KCNQ1: variants seen among roughly 807,000 people sequenced by gnomAD.
The protein encoded by KCNQ1 is potassium voltage-gated channel subfamily KQT member 1.
A neutral mutation model predicts 72.4 loss-of-function variants in KCNQ1; 49 were observed. The observed-to-expected ratio is 0.68, with a 90% CI of 0.54 to 0.86. The LOEUF (loss-of-function observed/expected upper bound fraction) is 0.86, where lower values mean the gene tolerates loss of function less well. KCNQ1 is among the 40% of genes least tolerant of loss of function. The pLI, the probability that KCNQ1 is intolerant of heterozygous loss-of-function variation, is 0.00. For synonymous variants in KCNQ1, 450 were observed against 412.6 expected (o/e 1.09, Z -1.10); for missense variants, 790 against 945.1 (o/e 0.84, Z 2.15).
intron 11 of KCNQ1, among the ~76,000 whole-genome samples, chr11:2,714,952 CA>C (rs1367257270): frequency 3.3e-5 from 5 of 150,540 alleles, no homozygotes; most frequent in Admixed American, 6.6e-5. Context: ...GGCACAAAGC[CA>C]GGGGGGAGCC....
chr11:2,847,979 G>A lies in KCNQ1; in HGVS notation c.2007G>A (p.Arg669=). 6.4e-7 allele frequency: 1 copy of A among 1,551,954 alleles called. No individual in the cohort carries two copies. The highest frequency in any genetic ancestry group is 8.7e-7 in the Non-Finnish European group (1 of 1,146,428). The change falls in exon 16 of 16, where the codon AGG becomes AGA. Residue 669 remains arginine (R), a synonymous_variant. Transcript: ENST00000155840. The part of the protein sequence containing the change: ...LPTYEQLTVP[R]RGPDEGS ...CCTACGAGCAGCTGACCGTGCCCAG[G>A]AGGGGCCCCGATGAGGGGTCCTGAG...
rs192078183 is a variant in KCNQ1 at position 2,455,349 on chromosome 11, T to C, written c.386+9865T>C. Among the ~76,000 whole-genome samples the C allele has an allele frequency of 1.3e-3, 191 of 152,318 alleles. 2 individuals carry two copies. The highest frequency in any genetic ancestry group is 2.3e-3 in the East Asian group (12 of 5,184). On this transcript the variant is annotated intron_variant, in intron 1 of 15. Transcript: ENST00000155840. Reference sequence around the variant, plus strand: ...TCCTGACCTTGTGATCCACCCGCCTTGGCCTCCCAAAGTGCTGGGATTCAG... The same window carrying C: ...TCCTGACCTTGTGATCCACCCGCCTCGGCCTCCCAAAGTGCTGGGATTCAG...
intron 1 of KCNQ1, among the ~76,000 whole-genome samples, chr11:2,518,401 G>A (rs986125769): frequency 3.9e-5 from 6 of 152,210 alleles, no homozygotes; most frequent in African/African-American, 1.4e-4. Flanking sequence ...GGGGACCAGG[G>A]GAGTGGGCTG....
At position 2,620,675 on chromosome 11, in the gene KCNQ1, G is replaced by A; in HGVS notation, c.1393+31821G>A. 1 of 398,466 alleles carries A rather than the reference G, an allele frequency of 2.5e-6. No individual in the cohort carries two copies. Among genetic ancestry groups the A allele is most frequent in the East Asian group, 3.6e-5 (1 of 28,074 alleles). 24.7% of individuals were successfully genotyped at this position (398,466 alleles called of 1,614,324 possible). A position where few individuals can be genotyped will look rare whatever the true frequency, so the allele number is the denominator to read the frequency against. On this transcript the variant is annotated intron_variant, in intron 10 of 15. Coordinates refer to ENST00000155840, the MANE Select transcript of KCNQ1 (RefSeq NM_000218.3). This position sits in a 1 kb window ranked among gnomAD's most constrained non-coding sequence, Gnocchi z 4.5. ...TACAAATGCATGTGTCTTTTTGATA[G>A]AACAATTTATTTTCCTTTGAATATA...
At chr11:2,630,635 A>G (rs889009869) in intron 10 of KCNQ1, 1 of 398,138 alleles carries the variant, frequency 2.5e-6, no homozygotes, top group Non-Finnish European at 4.4e-6. Flanking sequence ...TTACACTATT[A>G]GAGTATTCTT....
chr11:2,541,716 T>TC lies in KCNQ1; in HGVS notation c.477+13698_477+13699insC, dbSNP rs1182602146. On this transcript the variant is annotated intron_variant, in intron 2 of 15. Coordinates refer to ENST00000155840, the MANE Select transcript of KCNQ1 (RefSeq NM_000218.3). The surrounding 1 kb of genome is among the most constrained non-coding windows in gnomAD (Gnocchi z 4.8). ...TCAGGTGTTTTGAGTTTTTTTTTTT[T>TC]TTTAAATGAGGACATCTGTTAGACC... Among the ~76,000 whole-genome samples the TC allele has an allele frequency of 2.0e-5, 3 of 151,772 alleles. No homozygotes were observed. Among genetic ancestry groups the TC allele is most frequent in the African/African-American group, 7.3e-5 (3 of 41,254 alleles).
At position 2,848,711 on chromosome 11, in the gene KCNQ1, C is replaced by T. The variant is rs1848394897; in HGVS notation, c.*708C>T. On this transcript the variant is annotated 3_prime_UTR_variant, in exon 16 of 16. Coordinates refer to ENST00000155840, the MANE Select transcript of KCNQ1 (RefSeq NM_000218.3). Reference sequence around the variant, plus strand: ...TCCTAGCTGGAGAGGAGCCCTGCCTCTCCGCCCCTGAGCCCACTGTGCGTG... The same window carrying T: ...TCCTAGCTGGAGAGGAGCCCTGCCTTTCCGCCCCTGAGCCCACTGTGCGTG... 4.4e-6 allele frequency: 2 copies of T among 451,800 alleles called. No homozygotes were observed. The highest frequency in any genetic ancestry group is 8.9e-6 in the Non-Finnish European group (2 of 224,988). 28.0% of individuals were successfully genotyped at this position (451,800 alleles called of 1,614,324 possible). A position where few individuals can be genotyped will look rare whatever the true frequency, so the allele number is the denominator to read the frequency against.
In KCNQ1 at chr11:2,809,444, C is replaced by T. The variant is rs909359212; in HGVS notation, c.1794+31407C>T. Among the ~76,000 whole-genome samples the T allele has an allele frequency of 4.6e-5, 7 of 152,142 alleles. No individual in the cohort carries two copies. Among genetic ancestry groups the T allele is most frequent in the African/African-American group, 9.7e-5 (4 of 41,434 alleles). ...GTGTTCATTTATGGGTTGTTGTTAC[C>T]GTGGCATTGGTCCAGGTTTGTGATA... On this transcript the variant is annotated intron_variant, in intron 15 of 15. Transcript: ENST00000155840. The surrounding 1 kb of genome is among the most constrained non-coding windows in gnomAD (Gnocchi z 7.1).
At chr11:2,609,320 T>C in intron 10 of KCNQ1, 1 of 398,406 alleles carries the variant, frequency 2.5e-6, no homozygotes, top group East Asian at 3.6e-5. Flanking sequence ...TTTCCACATG[T>C]GTATGTTTCC....
chr11:2,728,993 G>C lies in KCNQ1; in HGVS notation c.1515-39851G>C, dbSNP rs535941187. On this transcript the variant is annotated intron_variant, in intron 11 of 15. Transcript: ENST00000155840. ...TTGATTGGTTCTGGGAGCCACTGCA[G>C]ACACAGGGGCTGTTGTGCATGCAGG... Among the ~76,000 whole-genome samples, 380 of 152,348 alleles carry C rather than the reference G, an allele frequency of 2.5e-3. 1 individual carries two copies. The highest frequency in any genetic ancestry group is 4.2e-3 in the Non-Finnish European group (284 of 68,032).
At chr11:2,529,725 T>A (rs1847581357) in intron 2 of KCNQ1, among the ~76,000 whole-genome samples, 1 of 152,196 alleles carries the variant, frequency 6.6e-6, no homozygotes, top group African/African-American at 2.4e-5. Context: ...ATCTTTTGCG[T>A]TTCCAGATAA....
At chr11:2,770,281 AG>A (rs1370297318) in intron 12 of KCNQ1, among the ~76,000 whole-genome samples, 1 of 152,176 alleles carries the variant, frequency 6.6e-6, no homozygotes, top group African/African-American at 2.4e-5. Context: ...ACCCTGGCAC[AG>A]GCAGCCCTGG....
Position 2,462,009 on chromosome 11 carries a change from T to C in KCNQ1, c.386+16525T>C. 2.9e-6 allele frequency: 1 copy of C among 346,544 alleles called. No homozygotes were observed. Among genetic ancestry groups the C allele is most frequent in the South Asian group, 2.2e-5 (1 of 45,350 alleles). The allele number at this position is 346,544 out of a possible 1,614,324, so 21.5% of individuals were successfully genotyped here. ...GTGGACTCAGCCAGCCTAGTCCCAA[T>C]ACAGCTGGGATGCATTGCTGCTCCT... On this transcript the variant is annotated intron_variant, in intron 1 of 15. Transcript: ENST00000155840. This position sits in a 1 kb window ranked among gnomAD's most constrained non-coding sequence, Gnocchi z 8.2.
In KCNQ1 at chr11:2,495,375, C is replaced by A. The variant is rs954697794; in HGVS notation, c.387-32553C>A. Among the ~76,000 whole-genome samples, 1 of 152,060 alleles carries A rather than the reference C, an allele frequency of 6.6e-6. No individual in the cohort carries two copies. Among genetic ancestry groups the A allele is most frequent in the Non-Finnish European group, 1.5e-5 (1 of 68,018 alleles). On this transcript the variant is annotated intron_variant, in intron 1 of 15. Transcript: ENST00000155840. The surrounding 1 kb of genome is among the most constrained non-coding windows in gnomAD (Gnocchi z 4.6). Reference sequence around the variant, plus strand: ...GATCTTAGTTATTTCTTGTCTTCTGCTAGCTTTTGAATTTGTTTGCTCTTG... The same window carrying A: ...GATCTTAGTTATTTCTTGTCTTCTGATAGCTTTTGAATTTGTTTGCTCTTG...
In KCNQ1 at chr11:2,605,338, T is replaced by C. The variant is rs576971132; in HGVS notation, c.1393+16484T>C. On this transcript the variant is annotated intron_variant, in intron 10 of 15. Coordinates refer to ENST00000155840, the MANE Select transcript of KCNQ1 (RefSeq NM_000218.3). The stretch of plus-strand genomic sequence containing the variant: ...TTTTTTTCTTTTGTTCCTTGTTCTT[T>C]GGTGTTATATCTAAGAAACCTCTGC... Among the ~76,000 whole-genome samples the C allele has an allele frequency of 2.0e-5, 3 of 152,324 alleles. No individual in the cohort carries two copies. In the South Asian group the frequency reaches 6.2e-4, roughly 32 times the overall value.
At chr11:2,581,505 C>T (rs1007695277) in intron 6 of KCNQ1, among the ~76,000 whole-genome samples, 7 of 152,214 alleles carry the variant, frequency 4.6e-5, no homozygotes, top group African/African-American at 7.2e-5. Context: ...TCCCCCAGGG[C>T]CCCCCTCTCT....
chr11:2,835,394 GACTCACACACACACACACAC>G lies in KCNQ1; in HGVS notation c.1795-12370_1795-12351del, dbSNP rs1373422715. Among the ~76,000 whole-genome samples, 306 of 124,988 alleles carry G rather than the reference GACTCACACACACACACACAC, an allele frequency of 2.4e-3. 1 individual carries two copies. Among genetic ancestry groups the G allele is most frequent in the African/African-American group, 8.6e-3 (284 of 32,884 alleles). 82.0% of individuals were successfully genotyped at this position (124,988 alleles called of 152,430 possible). On this transcript the variant is annotated intron_variant, in intron 15 of 15. Transcript: ENST00000155840. ...CTGTAGACACCTGCATATAAACCCT[GACTCACACACACACACACAC>G]ACACACACACACACGCACACATGCA...
chr11:2,587,562 G>T lies in KCNQ1; in HGVS notation c.1129-8G>T, dbSNP rs200612600. The T allele has an allele frequency of 6.8e-6, 11 of 1,613,440 alleles. No homozygotes were observed. In the African/African-American group the frequency reaches 1.3e-4, roughly 20 times the overall value. On this transcript the variant is annotated splice_polypyrimidine_tract_variant and splice_region_variant and intron_variant, in intron 8 of 15. Coordinates refer to ENST00000155840, the MANE Select transcript of KCNQ1 (RefSeq NM_000218.3). Reference sequence around the variant, plus strand: ...CAGGTGACAGCCTGTCCCCCTGCCCGACCTCAGACCGCATGGAGGTGCTAT... The same window carrying T: ...CAGGTGACAGCCTGTCCCCCTGCCCTACCTCAGACCGCATGGAGGTGCTAT...
At chr11:2,513,008 G>A (rs377298475) in intron 1 of KCNQ1, among the ~76,000 whole-genome samples, 49 of 152,260 alleles carry the variant, frequency 3.2e-4, no homozygotes, top group African/African-American at 9.6e-4. Context: ...GAGAGTTGGC[G>A]GCTCAGGAAG....
Sources: allele counts gnomAD v4.1 joint callset (sites outside exome capture counted in the v4.1 genomes callset), GRCh38; gene constraint gnomAD v4.1.1; non-coding constraint Gnocchi (gnomAD v3.1); transcripts MANE v1.5; gene names NCBI Gene and HGNC (gene_info 2026-07-23, HGNC 2026-07-21).